The following ITPRID1 variants were observed in gnomAD, a reference collection of about 807,000 sequenced individuals.
ITPRID1 encodes the protein protein ITPRID1.
A neutral mutation model predicts 95.4 loss-of-function variants in ITPRID1; 96 were observed. The observed-to-expected ratio is 1.01, with a 90% CI of 0.85 to 1.19. The LOEUF is 1.19. Among genes scored for constraint, ITPRID1 ranks in the 50% most tolerant of loss-of-function variants. ITPRID1 has a pLI of 0.00. For missense variants in ITPRID1, 1,339 were observed against 1,252.9 expected (o/e 1.07, Z -1.04); for synonymous variants, 510 against 453.6 (o/e 1.12, Z -1.58).
chr7:31,523,898 G>C (rs1233293174), intron 1 of ITPRID1, among the ~76,000 whole-genome samples: 3 of 152,136 alleles, frequency 2.0e-5, no homozygotes, highest in African/African-American at 7.2e-5. Context: ...TCAGAAGCCT[G>C]GGCTTTTTTC....
At chr7:31,561,680 G>A (rs538258461) in intron 5 of ITPRID1, among the ~76,000 whole-genome samples, 33 of 152,282 alleles carry the variant, frequency 2.2e-4, no homozygotes, top group Non-Finnish European at 3.4e-4. Context: ...TCTTAGCTGC[G>A]TGGCCTGACA....
intron 5 of ITPRID1, among the ~76,000 whole-genome samples, chr7:31,558,116 G>T (rs759330748): frequency 6.8e-6 from 1 of 147,190 alleles, no homozygotes; most frequent in Non-Finnish European, 1.5e-5. Context: ...GATGGGTTTG[G>T]TCCCCATTTT....
intron 10 of ITPRID1, among the ~76,000 whole-genome samples, chr7:31,620,492 G>A (rs931799348): frequency 9.3e-5 from 14 of 150,986 alleles, no homozygotes; most frequent in Non-Finnish European, 2.1e-4. Context: ...TGATACCCAG[G>A]CAAACAGGGT....
At chr7:31,546,831 A>C (rs552491203) in intron 1 of ITPRID1, among the ~76,000 whole-genome samples, 19 of 152,232 alleles carry the variant, frequency 1.2e-4, no homozygotes, top group African/African-American at 4.1e-4. Flanking sequence ...GAACTATGGG[A>C]TTACAAAGGG....
chr7:31,543,406 G>A (rs1049345846), intron 1 of ITPRID1, among the ~76,000 whole-genome samples: 3 of 152,064 alleles, frequency 2.0e-5, no homozygotes, highest in Middle Eastern at 3.4e-3. Context: ...AAAACATAAG[G>A]CCTTTTGAAT....
chr7:31,583,095 C>G, intron 9 of ITPRID1, 39 bp from the exon 10 acceptor site: 1 of 1,480,978 alleles, frequency 6.8e-7, no homozygotes. Context: ...ATTTATTTGA[C>G]AAAATTTCTA....
intron 12 of ITPRID1, among the ~76,000 whole-genome samples, chr7:31,646,403 G>A (rs1349148795): frequency 6.6e-6 from 1 of 152,118 alleles, no homozygotes; most frequent in Non-Finnish European, 1.5e-5. Context: ...CAGATTCGCA[G>A]GTAGAAGGAT....
At position 31,653,248 on chromosome 7, in the gene ITPRID1, GTGGGGAAAGGGTGCTAA is replaced by G. The variant is rs1791115046; in HGVS notation, c.*429_*445del. The G allele has an allele frequency of 2.3e-5, 4 of 172,354 alleles. No individual in the cohort carries two copies. The East Asian group carries it at 5.7e-4, about 25-fold the overall frequency. The allele number at this position is 172,354 out of a possible 1,614,324, so 10.7% of individuals were successfully genotyped here. A position where few individuals can be genotyped will look rare whatever the true frequency, so the allele number is the denominator to read the frequency against. ...ATGATTTTGAGGCCTTCAACATTTAGTGGGGAAAGGGTGCTAATGGGGAAAGAGGTGTGGGTACATAG... is the reference window on the plus strand; with the variant it reads ...ATGATTTTGAGGCCTTCAACATTTAGTGGGGAAAGAGGTGTGGGTACATAG... On this transcript the variant is annotated 3_prime_UTR_variant, in exon 15 of 15. Coordinates refer to ENST00000615280, the MANE Select transcript of ITPRID1 (RefSeq NM_001257967.3).
intron 5 of ITPRID1, among the ~76,000 whole-genome samples, chr7:31,561,994 A>G (rs1784639303): frequency 7.0e-6 from 1 of 143,766 alleles, no homozygotes; most frequent in Admixed American, 7.3e-5. Context: ...CCCTCTTCCC[A>G]GGCTGCAAAT....
At chr7:31,554,654 A>T (rs1583491316) in intron 4 of ITPRID1, 131 bp downstream of exon 4, 3 of 1,161,036 alleles carry the variant, frequency 2.6e-6, no homozygotes. Flanking sequence ...GTGAAGTATT[A>T]TTCTATTATT....
At chr7:31,628,043 C>T (rs531994317) in intron 10 of ITPRID1, among the ~76,000 whole-genome samples, 1 of 152,278 alleles carries the variant, frequency 6.6e-6, no homozygotes, top group African/African-American at 2.4e-5. Flanking sequence ...GTCTTTGTCA[C>T]CCCAGGCCTA....
At chr7:31,600,489 C>T (rs1481055800) in intron 10 of ITPRID1, among the ~76,000 whole-genome samples, 1 of 152,126 alleles carries the variant, frequency 6.6e-6, no homozygotes, top group African/African-American at 2.4e-5. Flanking sequence ...GGTTTAAAGG[C>T]CTACAGTTAA....
intron 12 of ITPRID1, among the ~76,000 whole-genome samples, chr7:31,649,941 A>G (rs906969519): frequency 2.6e-5 from 4 of 152,194 alleles, no homozygotes; most frequent in Non-Finnish European, 4.4e-5. Context: ...GGCATTCTAA[A>G]GAGAGAATAA....
Position 31,643,874 on chromosome 7 carries a change from C to T in ITPRID1, c.2504C>T (p.Ser835Leu). Residue 835 changes from serine to leucine, a missense_variant, in exon 12 of 15, where the codon TCA (serine) becomes TTA (leucine). Physicochemically the swap from Ser to Leu is moderately radical, Grantham distance 145. Transcript: ENST00000615280. ...EPSVCRHCLC[S>L]LTGHQEAQFM... ...TCAGTCTGTAGGCACTGCCTGTGTT[C>T]ACTAACTGGTCACCAGGAAGCCCAG... 6.2e-7 allele frequency: 1 copy of T among 1,613,886 alleles called. No individual in the cohort carries two copies. The highest frequency in any genetic ancestry group is 1.1e-5 in the South Asian group (1 of 91,068).
intron 5 of ITPRID1, among the ~76,000 whole-genome samples, chr7:31,569,278 A>G (rs560680745): frequency 1.3e-5 from 2 of 152,130 alleles, no homozygotes; most frequent in Non-Finnish European, 2.9e-5. Flanking sequence ...CCCTTCATGT[A>G]TTATTTTTTG....
At chr7:31,617,698 G>A (rs1787394534) in intron 10 of ITPRID1, among the ~76,000 whole-genome samples, 1 of 151,834 alleles carries the variant, frequency 6.6e-6, no homozygotes, top group African/African-American at 2.4e-5. Flanking sequence ...ATTTATATTA[G>A]TGCTCCCTCC....
chr7:31,621,298 A>C (rs1227842917), intron 10 of ITPRID1, among the ~76,000 whole-genome samples: 1 of 87,592 alleles, frequency 1.1e-5, no homozygotes, highest in Non-Finnish European at 2.4e-5. Flanking sequence ...TCCAAGACAC[A>C]TAATTGTCAG....
intron 1 of ITPRID1, among the ~76,000 whole-genome samples, chr7:31,519,264 T>C (rs1583451262): frequency 6.6e-6 from 1 of 152,154 alleles, no homozygotes; most frequent in Non-Finnish European, 1.5e-5. Context: ...GGTATAATGA[T>C]TGAAGTTAGC....
At chr7:31,593,024 G>A (rs541058978) in intron 10 of ITPRID1, among the ~76,000 whole-genome samples, 3 of 152,188 alleles carry the variant, frequency 2.0e-5, no homozygotes, top group South Asian at 4.2e-4. Context: ...TAACAATCGC[G>A]CTGGGCACAG....
Sources: allele counts gnomAD v4.1 joint callset (sites outside exome capture counted in the v4.1 genomes callset), GRCh38; gene constraint gnomAD v4.1.1; transcripts MANE v1.5; gene names NCBI Gene and HGNC (gene_info 2026-07-23, HGNC 2026-07-21).